The following PRKAG2 variants were observed in gnomAD, a reference collection of about 807,000 sequenced individuals.
PRKAG2 encodes the protein protein kinase AMP-activated non-catalytic subunit gamma 2.
Under a neutral mutation model 69.6 loss-of-function variants are expected in PRKAG2, and 26 were observed. The observed-to-expected ratio is 0.37, with a 90% CI of 0.27 to 0.52. The LOEUF (loss-of-function observed/expected upper bound fraction) is 0.52. Ranked by LOEUF, PRKAG2 falls within the 20% of genes least tolerant of loss-of-function variation. The probability of loss-of-function intolerance (pLI) is 0.90; values close to 1 mark genes in which losing one functional copy is unlikely to be tolerated. For missense variants in PRKAG2, 557 were observed against 740.0 expected (o/e 0.75, Z 2.87); for synonymous variants, 293 against 285.0 (o/e 1.03, Z -0.28).
intron 1 of PRKAG2, among the ~76,000 whole-genome samples, chr7:151,856,172 C>T (rs2079770930): frequency 1.3e-5 from 2 of 152,244 alleles, no homozygotes; most frequent in African/African-American, 4.8e-5. Flanking sequence ...TCATGGCCAC[C>T]TGCAGGCAGG....
At chr7:151,846,808 T>C (rs1323792076) in intron 1 of PRKAG2, among the ~76,000 whole-genome samples, 1 of 152,248 alleles carries the variant, frequency 6.6e-6, no homozygotes, top group Admixed American at 6.5e-5. Flanking sequence ...AGTATTCTTC[T>C]GTAGTTGGAT....
At chr7:151,821,545 C>T (rs757127821) in intron 1 of PRKAG2, among the ~76,000 whole-genome samples, 1 of 152,168 alleles carries the variant, frequency 6.6e-6, no homozygotes, top group African/African-American at 2.4e-5. Context: ...GCCAAGCTGT[C>T]GTTTAGCATG....
intron 9 of PRKAG2, among the ~76,000 whole-genome samples, chr7:151,571,355 GA>G (rs1807528296): frequency 6.6e-6 from 1 of 152,152 alleles, no homozygotes; most frequent in African/African-American, 2.4e-5. Flanking sequence ...TTATAGGCGT[GA>G]GCTACTGCGC....
At chr7:151,791,669 A>G (rs1294802084) in intron 1 of PRKAG2, among the ~76,000 whole-genome samples, 1 of 152,268 alleles carries the variant, frequency 6.6e-6, no homozygotes, top group East Asian at 1.9e-4. Context: ...CTGTCAGAAA[A>G]GCATCAGGAC....
Position 151,814,829 on chromosome 7 carries a change from A to G in PRKAG2, c.115-28288T>C, listed in dbSNP as rs181732300. 101 of 1,231,764 alleles carry G rather than the reference A, an allele frequency of 8.2e-5. 1 individual carries two copies. In the East Asian group the frequency reaches 3.0e-3, roughly 36 times the overall value. 76.3% of individuals were successfully genotyped at this position (1,231,764 alleles called of 1,614,324 possible). A position where few individuals can be genotyped will look rare whatever the true frequency, so the allele number is the denominator to read the frequency against. On this transcript the variant is annotated intron_variant, in intron 1 of 15. Transcript: ENST00000287878. The surrounding 1 kb of genome is among the most constrained non-coding windows in gnomAD (Gnocchi z 4.8). ...TCCCCCATTGACGGGACTGCAGCAA[A>G]CTGTCATTCCCACCTGTGTCAGGCG...
rs190457280 is a variant in PRKAG2 at position 151,557,484 on chromosome 7, C to G, written c.1679-252G>C. 4 of 984,848 alleles carry G rather than the reference C, an allele frequency of 4.1e-6. No individual in the cohort carries two copies. In the African/African-American group the frequency reaches 7.0e-5, roughly 17 times the overall value. 61.0% of individuals were successfully genotyped at this position (984,848 alleles called of 1,614,324 possible). A position where few individuals can be genotyped will look rare whatever the true frequency, so the allele number is the denominator to read the frequency against. ...ACTTGGAAAACAAAAAAAAAGAATT[C>G]CACTCTTAAAAAATTTTACTAAGAA... On this transcript the variant is annotated intron_variant, in intron 15 of 15. Coordinates refer to ENST00000287878, the MANE Select transcript of PRKAG2 (RefSeq NM_016203.4).
intron 1 of PRKAG2, among the ~76,000 whole-genome samples, chr7:151,822,267 G>A (rs1297712540): frequency 3.9e-5 from 6 of 152,170 alleles, no homozygotes; most frequent in East Asian, 3.9e-4. Flanking sequence ...GCCCAGGAAC[G>A]AGGTGGGTTC....
In PRKAG2 at chr7:151,723,249, T is replaced by C. The variant is rs147338843; in HGVS notation, c.467-47612A>G. 3.7e-3 allele frequency among the ~76,000 whole-genome samples: 564 copies of C among 152,186 alleles called. 1 individual carries two copies. Among genetic ancestry groups the C allele is most frequent in the African/African-American group, 0.013 (549 of 41,540 alleles). On this transcript the variant is annotated intron_variant, in intron 3 of 15. Coordinates refer to ENST00000287878, the MANE Select transcript of PRKAG2 (RefSeq NM_016203.4). The stretch of plus-strand genomic sequence containing the variant: ...GGAAGAACGGGAGAGAGGTTAATAG[T>C]ATACATTTTTGGTAGTGCAGTGGAG...
chr7:151,610,242 G>T (rs1475047669), intron 5 of PRKAG2, among the ~76,000 whole-genome samples: 2 of 152,130 alleles, frequency 1.3e-5, no homozygotes, highest in Non-Finnish European at 1.5e-5. Context: ...GGTGGCGGGT[G>T]CCTGTAGTCC....
chr7:151,874,504 G>GTAT (rs1302033852), intron 1 of PRKAG2, among the ~76,000 whole-genome samples: 2 of 101,048 alleles, frequency 2.0e-5, no homozygotes, highest in African/African-American at 9.0e-5. Context: ...ATATGTATAT[G>GTAT]ATGTATATGT....
intron 3 of PRKAG2, among the ~76,000 whole-genome samples, chr7:151,747,252 T>C (rs922623675): frequency 2.6e-5 from 4 of 152,210 alleles, no homozygotes; most frequent in African/African-American, 9.6e-5. Context: ...AGAGTGAAAT[T>C]ACAGTACTTG....
In PRKAG2 at chr7:151,756,570, G is replaced by A. The variant is rs995852636; in HGVS notation, c.466+24582C>T. On this transcript the variant is annotated intron_variant, in intron 3 of 15. Coordinates refer to ENST00000287878, the MANE Select transcript of PRKAG2 (RefSeq NM_016203.4). This position sits in a 1 kb window ranked among gnomAD's most constrained non-coding sequence, Gnocchi z 4.9. ...GCTGCCATGTGTCCAGGCTCCCGCT[G>A]GGCAGGAGACAGGGAGACACCTTGG... Among the ~76,000 whole-genome samples the A allele has an allele frequency of 2.6e-5, 4 of 152,308 alleles. No homozygotes were observed. The East Asian group carries it at 7.7e-4, about 29-fold the overall frequency.
intron 4 of PRKAG2, 115 bp downstream of exon 4, chr7:151,675,305 C>T (rs750335205): frequency 1.2e-5 from 12 of 994,366 alleles, no homozygotes; most frequent in Middle Eastern, 2.0e-4. Flanking sequence ...CTGAAGATGT[C>T]GGGAGCACAC....
chr7:151,609,378 A>C (rs961570113), intron 5 of PRKAG2, among the ~76,000 whole-genome samples: 1 of 152,248 alleles, frequency 6.6e-6, no homozygotes, highest in African/African-American at 2.4e-5. Context: ...AAAATGAACA[A>C]GACAGACTAT....
Position 151,697,703 on chromosome 7 carries a change from C to T in PRKAG2, c.467-22066G>A, listed in dbSNP as rs76809240. On this transcript the variant is annotated intron_variant, in intron 3 of 15. Coordinates refer to ENST00000287878, the MANE Select transcript of PRKAG2 (RefSeq NM_016203.4). ...TGGGCACGGCTGGGATACAGTGGTGCGCTGGGTGCAGGGAGGGGGTGTGGA... is the reference window on the plus strand; with the variant it reads ...TGGGCACGGCTGGGATACAGTGGTGTGCTGGGTGCAGGGAGGGGGTGTGGA... Among the ~76,000 whole-genome samples, 1,211 of 151,974 alleles carry T rather than the reference C, an allele frequency of 8.0e-3. 12 individuals are homozygous for T. Among genetic ancestry groups the T allele is most frequent in the African/African-American group, 0.024 (995 of 41,422 alleles).
chr7:151,764,854 T>C (rs1238415244), intron 3 of PRKAG2, among the ~76,000 whole-genome samples: 1 of 152,210 alleles, frequency 6.6e-6, no homozygotes, highest in Non-Finnish European at 1.5e-5. Context: ...CTGTGAAGCA[T>C]GGGGAGGCTG....
chr7:151,588,934 C>T (rs544722184), intron 6 of PRKAG2, among the ~76,000 whole-genome samples: 2 of 152,196 alleles, frequency 1.3e-5, no homozygotes, highest in South Asian at 4.1e-4. Context: ...GGGATGTCCC[C>T]CCTCTCTACT....
At chr7:151,824,071 C>T (rs2078854781) in intron 1 of PRKAG2, among the ~76,000 whole-genome samples, 1 of 152,156 alleles carries the variant, frequency 6.6e-6, no homozygotes, top group East Asian at 1.9e-4. Context: ...GAGAAGGGAA[C>T]TGTGAAGTCG....
At chr7:151,574,832 A>C in intron 8 of PRKAG2, 59 bp downstream of exon 8, 1 of 1,610,864 alleles carries the variant, frequency 6.2e-7, no homozygotes, top group African/African-American at 1.3e-5. Context: ...ACATATACCT[A>C]CACACATACA....
Sources: allele counts gnomAD v4.1 joint callset (sites outside exome capture counted in the v4.1 genomes callset), GRCh38; gene constraint gnomAD v4.1.1; non-coding constraint Gnocchi (gnomAD v3.1); transcripts MANE v1.5; gene names NCBI Gene and HGNC (gene_info 2026-07-23, HGNC 2026-07-21).